PRDM11: variants seen among roughly 807,000 people sequenced by gnomAD.
PRDM11 encodes PR/SET domain 11, also known as PR domain-containing protein 11.
PRDM11 carries 20 observed loss-of-function variants against 97.8 expected under a neutral mutation model. The observed-to-expected ratio is 0.20, with a 90% CI of 0.14 to 0.30. The LOEUF (loss-of-function observed/expected upper bound fraction) is 0.30. Ranked by LOEUF, PRDM11 falls within the 10% of genes least tolerant of loss-of-function variation. PRDM11 has a pLI of 1.00. For synonymous variants in PRDM11, 599 were observed against 637.7 expected, an observed-to-expected ratio of 0.94 and a Z score of 0.91; for missense variants, 1,139 against 1,555.2, an observed-to-expected ratio of 0.73 and a Z score of 4.50.
intron 7 of PRDM11, chr11:45,225,089 G>A (rs1854241881): frequency 7.0e-7 from 1 of 1,436,250 alleles, no homozygotes; most frequent in Non-Finnish European, 9.1e-7. Flanking sequence ...TTCCGCTGCA[G>A]AAGGGGTGTG....
chr11:45,148,907 A>T (rs1851592242), intron 1 of PRDM11, among the ~76,000 whole-genome samples: 1 of 152,120 alleles, frequency 6.6e-6, no homozygotes, highest in African/African-American at 2.4e-5. Context: ...ACAAACCCAC[A>T]GTGGCCAAAG....
intron 1 of PRDM11, among the ~76,000 whole-genome samples, chr11:45,136,248 T>C (rs1314690913): frequency 6.6e-6 from 1 of 152,222 alleles, no homozygotes; most frequent in African/African-American, 2.4e-5. Flanking sequence ...GAGAAAATGT[T>C]TCCATTTTTA....
chr11:45,175,729 C>T (rs563819206), intron 1 of PRDM11, among the ~76,000 whole-genome samples: 20 of 152,306 alleles, frequency 1.3e-4, no homozygotes, highest in African/African-American at 4.6e-4. Flanking sequence ...GATTTTGATA[C>T]ATGTGCCAAA....
chr11:45,171,297 G>A (rs574943236), intron 1 of PRDM11, among the ~76,000 whole-genome samples: 2 of 152,140 alleles, frequency 1.3e-5, no homozygotes, highest in East Asian at 1.9e-4. Flanking sequence ...ACAGGGTTTT[G>A]CCATGTTAGC....
chr11:45,107,151 T>G (rs1308804066), intron 1 of PRDM11, among the ~76,000 whole-genome samples: 1 of 152,148 alleles, frequency 6.6e-6, no homozygotes, highest in Non-Finnish European at 1.5e-5. Context: ...GCAAGATAAG[T>G]GCCACGTTAG....
At chr11:45,103,782 A>G (rs896009294) in intron 1 of PRDM11, among the ~76,000 whole-genome samples, 8 of 148,006 alleles carry the variant, frequency 5.4e-5, no homozygotes. Flanking sequence ...TATTATATAT[A>G]AATTATATAT....
Position 45,189,111 on chromosome 11 carries a change from G to A in PRDM11, c.486+5988G>A, listed in dbSNP as rs1852817148. On this transcript the variant is annotated intron_variant, in intron 4 of 7. Transcript: ENST00000683152. ...AGACGGGGTTTCTCCATGTTGGCCA[G>A]GCTGGTCTTGAACTCCCGACCTCAA... is the stretch of plus-strand genomic sequence containing the variant. Among the ~76,000 whole-genome samples, 5 of 152,220 alleles carry A rather than the reference G, an allele frequency of 3.3e-5. No individual in the cohort carries two copies. The South Asian group carries it at 8.3e-4, about 25-fold the overall frequency.
At chr11:45,213,496 G>A (rs1483022869) in intron 5 of PRDM11, 1 of 456,388 alleles carries the variant, frequency 2.2e-6, no homozygotes, top group African/African-American at 2.0e-5. Flanking sequence ...GGTCCTTCAG[G>A]GAGGGGTCTA....
chr11:45,142,149 AAC>A (rs1460201252), upstream of PRDM11, among the ~76,000 whole-genome samples: 1 of 152,188 alleles, frequency 6.6e-6, no homozygotes, highest in African/African-American at 2.4e-5. Context: ...ATCTCATGAA[AAC>A]AAATCAAGTT....
At chr11:45,213,713 A>G in intron 5 of PRDM11, 1 of 456,448 alleles carries the variant, frequency 2.2e-6, no homozygotes. Flanking sequence ...GGCTCAGGAC[A>G]GTCAGCTCAA....
intron 1 of PRDM11, among the ~76,000 whole-genome samples, chr11:45,171,412 T>A (rs550272340): frequency 6.6e-6 from 1 of 152,250 alleles, no homozygotes; most frequent in South Asian, 2.1e-4. Context: ...TTATGTGGAT[T>A]TTTTAAAGTT....
At chr11:45,128,622 T>C (rs1852644351) in intron 1 of PRDM11, among the ~76,000 whole-genome samples, 1 of 147,744 alleles carries the variant, frequency 6.8e-6, no homozygotes, top group Non-Finnish European at 1.5e-5. Flanking sequence ...AAGTAAAAAA[T>C]ACTGTAGTCT....
intron 4 of PRDM11, 125 bp from the exon 5 acceptor site, chr11:45,204,586 T>G: frequency 4.8e-6 from 4 of 828,248 alleles, no homozygotes; most frequent in South Asian, 1.5e-5. Flanking sequence ...GTAGCAGTGG[T>G]GACATTTCAG....
chr11:45,146,705 C>G lies in PRDM11; in HGVS notation c.-179C>G, dbSNP rs1418369327. The stretch of plus-strand genomic sequence containing the variant: ...GGAGAGCAGCAGCGAGTCGCCGCCG[C>G]CGCCGCGCCGAGGCTGGCGCTGAAA... On this transcript the variant is annotated 5_prime_UTR_variant, in exon 1 of 8. Transcript: ENST00000683152. 6.6e-6 allele frequency: 1 copy of G among 151,530 alleles called. No individual in the cohort carries two copies. The highest frequency in any genetic ancestry group is 1.5e-5 in the Non-Finnish European group (1 of 67,896). 9.4% of individuals were successfully genotyped at this position (151,530 alleles called of 1,614,324 possible).
At chr11:45,157,457 C>T (rs1196832570) in intron 1 of PRDM11, among the ~76,000 whole-genome samples, 1 of 152,166 alleles carries the variant, frequency 6.6e-6, no homozygotes, top group African/African-American at 2.4e-5. Context: ...GCCTGCCACT[C>T]GTCTCCTGCT....
intron 1 of PRDM11, among the ~76,000 whole-genome samples, chr11:45,151,725 A>G (rs1192878326): frequency 6.6e-6 from 1 of 152,206 alleles, no homozygotes; most frequent in Non-Finnish European, 1.5e-5. Flanking sequence ...TTCGCTGAGG[A>G]GGAGGCCTTT....
chr11:45,101,567 A>AAAAAAAAAAAAAGAAGAAGAAG (rs767802218), intron 1 of PRDM11, among the ~76,000 whole-genome samples: 1 of 96,834 alleles, frequency 1.0e-5, no homozygotes. Flanking sequence ...AAAAAAAAAA[A>AAAAAAAAAAAAAGAAGAAGAAG]AAGAAGAAGA....
At chr11:45,224,967 G>C in intron 7 of PRDM11, 124 bp downstream of exon 7, 1 of 1,547,042 alleles carries the variant, frequency 6.5e-7, no homozygotes, top group Non-Finnish European at 8.7e-7. Context: ...ACGTGGAGGC[G>C]GCTACCTCCG....
At chr11:45,162,856 G>T (rs1329269564) in intron 1 of PRDM11, among the ~76,000 whole-genome samples, 1 of 152,190 alleles carries the variant, frequency 6.6e-6, no homozygotes, top group African/African-American at 2.4e-5. Context: ...TAAATGTGTC[G>T]AATAAATAAT....
Sources: gnomAD v4.1 joint callset for allele counts (sites outside exome capture counted in the v4.1 genomes callset) on GRCh38, gnomAD v4.1.1 for gene constraint, MANE v1.5 for transcripts, NCBI Gene and HGNC (gene_info 2026-07-23, HGNC 2026-07-21) for gene names.